Variants in ANKRD30B observed in about 807,000 individuals in gnomAD.
ANKRD30B encodes ankyrin repeat domain-containing protein 30B.
A neutral mutation model predicts 202.2 loss-of-function variants in ANKRD30B; 144 were observed. The ratio of observed to expected loss-of-function variants is 0.71; its 90% CI spans 0.62 to 0.82. The LOEUF (loss-of-function observed/expected upper bound fraction) is 0.82, where lower values mean the gene tolerates loss of function less well. Ranked by LOEUF, ANKRD30B falls within the 40% of genes least tolerant of loss-of-function variation. The pLI, the probability that ANKRD30B is intolerant of heterozygous loss-of-function variation, is 0.00. For missense variants in ANKRD30B, 1,487 were observed against 1,669.1 expected, an observed-to-expected ratio of 0.89 and a Z score of 1.90; for synonymous variants, 508 against 561.3, an observed-to-expected ratio of 0.91 and a Z score of 1.34.
chr18:14,860,351 C>A, the ANKRD30B span, among the ~76,000 whole-genome samples: 1 of 85,664 alleles, frequency 1.2e-5, no homozygotes. Flanking sequence ...CCAGACAGGG[C>A]TGCCGGGCAG....
At chr18:14,822,746 T>G in intron 32 of ANKRD30B, 69 bp downstream of exon 32, 4 of 1,286,972 alleles carry the variant, frequency 3.1e-6, no homozygotes, top group Non-Finnish European at 4.2e-6. Context: ...CCAAGAGCCT[T>G]TTTATTCCCA....
chr18:14,815,935 T>TTTATATTTA (rs1034976584), intron 30 of ANKRD30B, among the ~76,000 whole-genome samples: 7 of 152,296 alleles, frequency 4.6e-5, no homozygotes, highest in African/African-American at 1.4e-4. Flanking sequence ...TTAGTGGATA[T>TTTATATTTA]TTATATTTAG....
chr18:14,765,493 G>C (rs1388219331), intron 7 of ANKRD30B, among the ~76,000 whole-genome samples: 6 of 151,500 alleles, frequency 4.0e-5, no homozygotes, highest in Non-Finnish European at 7.4e-5. Flanking sequence ...AAAAGAAAAA[G>C]AAATATGTTA....
the ANKRD30B span, among the ~76,000 whole-genome samples, chr18:14,894,878 G>GA: frequency 0.96 from 126,780 of 132,628 alleles, 60,993 homozygotes; most frequent in Middle Eastern, 1. Flanking sequence ...ACAACAATAA[G>GA]AAAAAAACCT....
At chr18:14,855,106 C>T (rs1972043230), downstream of ANKRD30B, among the ~76,000 whole-genome samples, 3 of 152,082 alleles carry the variant, frequency 2.0e-5, 1 homozygote, top group South Asian at 6.2e-4. Flanking sequence ...GTGGTGATGA[C>T]TCTTAATGAG....
intron 22 of ANKRD30B, among the ~76,000 whole-genome samples, chr18:14,800,059 C>G (rs557706433): frequency 1.3e-5 from 2 of 151,490 alleles, no homozygotes; most frequent in Non-Finnish European, 2.9e-5. Flanking sequence ...AGTGAAACCC[C>G]ATCGCTACTA....
Position 14,791,993 on chromosome 18 carries a change from G to A in ANKRD30B, c.1825+502G>A, listed in dbSNP as rs571929567. On this transcript the variant is annotated intron_variant, in intron 16 of 43. Coordinates refer to ENST00000690538, the MANE Select transcript of ANKRD30B (RefSeq NM_001367607.2). ...CTTTCTCACTGGTGGGAAGCCATTAGGGATGGAAGCAGCTGACCATGGAGA... is the reference window on the plus strand; with the variant it reads ...CTTTCTCACTGGTGGGAAGCCATTAAGGATGGAAGCAGCTGACCATGGAGA... 5.1e-4 allele frequency among the ~76,000 whole-genome samples: 77 copies of A among 152,240 alleles called. No homozygotes were observed. In the East Asian group the frequency reaches 0.014, roughly 27 times the overall value.
At chr18:14,781,825 G>C (rs1967770998) in intron 11 of ANKRD30B, among the ~76,000 whole-genome samples, 1 of 152,296 alleles carries the variant, frequency 6.6e-6, no homozygotes, top group East Asian at 1.9e-4. Context: ...CATTTATTCA[G>C]TAAGATAATA....
At chr18:14,895,344 A>T in the ANKRD30B span, among the ~76,000 whole-genome samples, 2 of 152,192 alleles carry the variant, frequency 1.3e-5, no homozygotes, top group African/African-American at 4.8e-5. Flanking sequence ...CCTCTATACA[A>T]CTATTAGCAT....
At chr18:14,894,523 G>A in the ANKRD30B span, among the ~76,000 whole-genome samples, 1 of 151,924 alleles carries the variant, frequency 6.6e-6, no homozygotes, top group African/African-American at 2.4e-5. Flanking sequence ...GGCTGTGCTA[G>A]CATGATAACT....
rs7336630 is a variant in ANKRD30B at position 14,790,396 on chromosome 18, A to C, written c.1735-1005A>C. Among the ~76,000 whole-genome samples the C allele has an allele frequency of 3.9e-5, 6 of 152,238 alleles. No homozygotes were observed. The East Asian group carries it at 1.2e-3, about 29-fold the overall frequency. On this transcript the variant is annotated intron_variant, in intron 15 of 43. Coordinates refer to ENST00000690538, the MANE Select transcript of ANKRD30B (RefSeq NM_001367607.2). ...TACCCTTTATTTCCTTCTCCTGCCTAAATGCCCTGGCCAGAACTTACAACA... is the reference window on the plus strand; with the variant it reads ...TACCCTTTATTTCCTTCTCCTGCCTCAATGCCCTGGCCAGAACTTACAACA...
At chr18:14,763,321 G>A (rs888933906) in intron 6 of ANKRD30B, among the ~76,000 whole-genome samples, 8 of 152,130 alleles carry the variant, frequency 5.3e-5, no homozygotes, top group African/African-American at 1.9e-4. Flanking sequence ...GGCCAAGGCA[G>A]ATGAATTGCT....
In ANKRD30B at chr18:14,783,279, AT is replaced by A. The variant is rs371541539; in HGVS notation, c.1570+667del. Among the ~76,000 whole-genome samples the A allele has an allele frequency of 1.7e-3, 255 of 152,306 alleles. 2 individuals carry two copies. Among genetic ancestry groups the A allele is most frequent in the African/African-American group, 5.8e-3 (243 of 41,594 alleles). On this transcript the variant is annotated intron_variant, in intron 12 of 43. Transcript: ENST00000690538. ...GAATACCTTGGTAATACACAGTATC[AT>A]TCAGCACAATTGAGTTTCTAAATTT...
At chr18:14,773,633 T>G (rs550753535) in intron 9 of ANKRD30B, among the ~76,000 whole-genome samples, 1 of 150,756 alleles carries the variant, frequency 6.6e-6, no homozygotes, top group South Asian at 2.1e-4. Context: ...GAGTTTAGAT[T>G]AAAATAATTT....
At chr18:14,870,762 A>G in the ANKRD30B span, among the ~76,000 whole-genome samples, 1 of 151,976 alleles carries the variant, frequency 6.6e-6, no homozygotes, top group Non-Finnish European at 1.5e-5. Flanking sequence ...TCCCTGATTG[A>G]TCCCATCTCC....
At chr18:14,756,089 C>A (rs930336492) in intron 4 of ANKRD30B, among the ~76,000 whole-genome samples, 1 of 152,088 alleles carries the variant, frequency 6.6e-6, no homozygotes, top group Non-Finnish European at 1.5e-5. Context: ...TTTTAATGAT[C>A]GCCATTCTAA....
the ANKRD30B span, among the ~76,000 whole-genome samples, chr18:14,886,966 T>G: frequency 6.6e-6 from 1 of 152,100 alleles, no homozygotes; most frequent in Non-Finnish European, 1.5e-5. Context: ...ACAGGAAAAT[T>G]AAATGAATCT....
chr18:14,902,457 T>TA, the ANKRD30B span, among the ~76,000 whole-genome samples: 1 of 152,078 alleles, frequency 6.6e-6, no homozygotes, highest in Non-Finnish European at 1.5e-5. Flanking sequence ...AAATTCCTTA[T>TA]AAAAAAAAGT....
the ANKRD30B span, among the ~76,000 whole-genome samples, chr18:14,920,173 T>C: frequency 4.6e-5 from 7 of 152,342 alleles, no homozygotes; most frequent in South Asian, 1.4e-3. Flanking sequence ...ACCCTCCTTG[T>C]TCATTCATTT....
Sources: gnomAD v4.1 joint callset for allele counts (sites outside exome capture counted in the v4.1 genomes callset) on GRCh38, gnomAD v4.1.1 for gene constraint, MANE v1.5 for transcripts, NCBI Gene and HGNC (gene_info 2026-07-23, HGNC 2026-07-21) for gene names.